GALNT13: variants seen among roughly 807,000 people sequenced by gnomAD.
GALNT13 encodes UDP-GalNAc:polypeptide N-acetylgalactosaminyltransferase 13.
Under a neutral mutation model 64.2 loss-of-function variants are expected in GALNT13, and 28 were observed. The observed-to-expected ratio is 0.44, with a 90% confidence interval of 0.32 to 0.60. The LOEUF (loss-of-function observed/expected upper bound fraction) is 0.60, where lower values mean the gene tolerates loss of function less well. Among genes scored for constraint, GALNT13 ranks in the 20% least tolerant of loss-of-function variants. The pLI is 0.05. For synonymous variants in GALNT13, 214 were observed against 224.6 expected (o/e 0.95, Z 0.42); for missense variants, 577 against 669.8 (o/e 0.86, Z 1.53).
the GALNT13 span, among the ~76,000 whole-genome samples, chr2:153,419,844 G>T: frequency 2.0e-5 from 3 of 152,086 alleles, no homozygotes; most frequent in South Asian, 2.1e-4. Flanking sequence ...AAGTTAAAAA[G>T]AATGGTAGAA....
the GALNT13 span, among the ~76,000 whole-genome samples, chr2:153,253,680 G>A: frequency 2.7e-5 from 4 of 150,446 alleles, no homozygotes; most frequent in Non-Finnish European, 5.9e-5. Flanking sequence ...TAGCATGAAG[G>A]GTTGTTGAAT....
At chr2:153,793,318 G>A in the GALNT13 span, among the ~76,000 whole-genome samples, 1 of 152,036 alleles carries the variant, frequency 6.6e-6, no homozygotes, top group Middle Eastern at 3.4e-3. Context: ...AAAAATACAG[G>A]TTTTTCTACA....
the GALNT13 span, among the ~76,000 whole-genome samples, chr2:153,850,981 G>A: frequency 6.6e-6 from 1 of 152,044 alleles, no homozygotes; most frequent in Non-Finnish European, 1.5e-5. Context: ...GTCACCTCCA[G>A]AGAAATAAGG....
chr2:153,307,319 T>C, the GALNT13 span, among the ~76,000 whole-genome samples: 2 of 152,138 alleles, frequency 1.3e-5, no homozygotes, highest in Non-Finnish European at 2.9e-5. Flanking sequence ...TGTGGGAAAT[T>C]ATCTTAAATT....
the GALNT13 span, among the ~76,000 whole-genome samples, chr2:153,304,827 A>G: frequency 2.0e-5 from 3 of 152,138 alleles, no homozygotes; most frequent in South Asian, 6.2e-4. Context: ...TCCTCTCATA[A>G]AAAGAAATGA....
At chr2:153,140,053 G>A in the GALNT13 span, among the ~76,000 whole-genome samples, 1 of 151,928 alleles carries the variant, frequency 6.6e-6, no homozygotes, top group African/African-American at 2.4e-5. Context: ...TGAGCAGAGA[G>A]GACATCAGGT....
At chr2:154,163,140 A>G (rs1461048998) in intron 4 of GALNT13, among the ~76,000 whole-genome samples, 1 of 64,546 alleles carries the variant, frequency 1.5e-5, no homozygotes, top group Non-Finnish European at 2.7e-5. Flanking sequence ...CCCTCCCCCC[A>G]CCCCACAACA....
the GALNT13 span, among the ~76,000 whole-genome samples, chr2:153,836,710 A>C: frequency 7.4e-6 from 1 of 136,018 alleles, no homozygotes; most frequent in African/African-American, 2.8e-5. Flanking sequence ...TCCTGTGTAC[A>C]TGTGATCTCA....
At chr2:153,410,199 C>T in the GALNT13 span, among the ~76,000 whole-genome samples, 3 of 152,150 alleles carry the variant, frequency 2.0e-5, no homozygotes, top group African/African-American at 7.2e-5. Context: ...GATCCTCCCA[C>T]CTCATCCCCC....
At position 154,142,324 on chromosome 2, in the gene GALNT13, C is replaced by T. The variant is rs191183638; in HGVS notation, c.311+1819C>T. Among the ~76,000 whole-genome samples, 47 of 151,812 alleles carry T rather than the reference C, an allele frequency of 3.1e-4. No homozygotes were observed. In the East Asian group the frequency reaches 8.8e-3, roughly 28 times the overall value. ...TAGCACTTTAGGAGGCCAAGGCAGG[C>T]GGATCACCTTAGGTCAGGAGTTTGA... On this transcript the variant is annotated intron_variant, in intron 4 of 12. Transcript: ENST00000392825.
At chr2:153,657,142 A>G in the GALNT13 span, among the ~76,000 whole-genome samples, 159 of 152,248 alleles carry the variant, frequency 1.0e-3, 4 homozygotes, top group East Asian at 0.026. Flanking sequence ...TATTGAGATA[A>G]TGTGAAATCC....
At chr2:153,684,063 C>CATA in the GALNT13 span, among the ~76,000 whole-genome samples, 3 of 91,780 alleles carry the variant, frequency 3.3e-5, no homozygotes, top group South Asian at 2.7e-4. Flanking sequence ...ATTTCCTCTT[C>CATA]ATAATAATAT....
chr2:153,093,971 C>T, the GALNT13 span, among the ~76,000 whole-genome samples: 1 of 152,098 alleles, frequency 6.6e-6, no homozygotes, highest in Non-Finnish European at 1.5e-5. Flanking sequence ...CATGTAGTTG[C>T]TCACAGTGGC....
chr2:153,488,198 G>A, the GALNT13 span, among the ~76,000 whole-genome samples: 1 of 152,284 alleles, frequency 6.6e-6, no homozygotes, highest in East Asian at 1.9e-4. Flanking sequence ...CTTAAAAGAG[G>A]ACATTGTCAC....
At chr2:153,739,090 A>G in the GALNT13 span, among the ~76,000 whole-genome samples, 3 of 151,878 alleles carry the variant, frequency 2.0e-5, no homozygotes, top group South Asian at 6.2e-4. Context: ...CTCCCTCCAA[A>G]TACTTCACAT....
At chr2:153,641,914 T>A in the GALNT13 span, among the ~76,000 whole-genome samples, 1 of 152,040 alleles carries the variant, frequency 6.6e-6, no homozygotes, top group Admixed American at 6.6e-5. Context: ...TTCATAACAT[T>A]CTAATTATAA....
the GALNT13 span, among the ~76,000 whole-genome samples, chr2:153,201,223 GCAA>G: frequency 1.7e-4 from 26 of 152,274 alleles, 1 homozygote; most frequent in South Asian, 4.4e-3. Flanking sequence ...TGTAGATGTG[GCAA>G]TCAAGTCCTC....
chr2:153,788,196 A>G, the GALNT13 span, among the ~76,000 whole-genome samples: 7 of 152,146 alleles, frequency 4.6e-5, no homozygotes. Context: ...TAAGAGAGAA[A>G]GGACAGGTCA....
chr2:153,649,495 G>T, the GALNT13 span, among the ~76,000 whole-genome samples: 1 of 143,652 alleles, frequency 7.0e-6, no homozygotes, highest in African/African-American at 2.6e-5. Flanking sequence ...GTTATTTCTT[G>T]CCTTCTGCTA....
Sources: gnomAD v4.1 joint callset for allele counts (sites outside exome capture counted in the v4.1 genomes callset) on GRCh38, gnomAD v4.1.1 for gene constraint, MANE v1.5 for transcripts, NCBI Gene and HGNC (gene_info 2026-07-23, HGNC 2026-07-21) for gene names.